The following PDE4D variants were observed in gnomAD, a reference collection of about 807,000 sequenced individuals.
The protein encoded by PDE4D is 3',5'-cyclic-AMP phosphodiesterase 4D.
A neutral mutation model predicts 87.4 loss-of-function variants in PDE4D; 24 were observed. The ratio of observed to expected loss-of-function variants is 0.27; its 90% CI spans 0.20 to 0.39. The LOEUF (loss-of-function observed/expected upper bound fraction) is 0.39. Ranked by LOEUF, PDE4D falls within the 10% of genes least tolerant of loss-of-function variation. PDE4D has a pLI of 1.00. For synonymous variants in PDE4D, 384 were observed against 383.2 expected (o/e 1.00, Z -0.02); for missense variants, 714 against 1,041.0 (o/e 0.69, Z 4.32).
intron 1 of PDE4D, among the ~76,000 whole-genome samples, chr5:59,530,145 G>C (rs1583002725): frequency 6.6e-6 from 1 of 152,166 alleles, no homozygotes. Flanking sequence ...CACCATTGCA[G>C]AATGTTTATT....
chr5:60,374,264 T>G (rs936980456), intron 1 of PDE4D, among the ~76,000 whole-genome samples: 23 of 152,174 alleles, frequency 1.5e-4, no homozygotes, highest in African/African-American at 5.5e-4. Flanking sequence ...TAAATTCCAA[T>G]GGACACTTTT....
chr5:60,078,475 T>C (rs1773566323), intron 2 of PDE4D, among the ~76,000 whole-genome samples: 1 of 152,186 alleles, frequency 6.6e-6, no homozygotes, highest in Admixed American at 6.5e-5. Flanking sequence ...GTTTGTTACA[T>C]AGGTATATGT....
chr5:59,875,490 AGAAG>A (rs1748453351), intron 1 of PDE4D, among the ~76,000 whole-genome samples: 1 of 142,878 alleles, frequency 7.0e-6, no homozygotes, highest in African/African-American at 2.7e-5. Flanking sequence ...AAAAAAAAAA[AGAAG>A]GAATCTGTAT....
intron 1 of PDE4D, among the ~76,000 whole-genome samples, chr5:59,544,160 A>G (rs1816856977): frequency 6.6e-6 from 1 of 152,166 alleles, no homozygotes. Flanking sequence ...ATTCTGCAGC[A>G]AGGAAAACTA....
chr5:59,037,094 C>T lies in PDE4D; in HGVS notation c.921+1765G>A, dbSNP rs117654563. 2.2e-3 allele frequency among the ~76,000 whole-genome samples: 340 copies of T among 152,186 alleles called. 4 individuals carry two copies. The highest frequency in any genetic ancestry group is 0.02 in the East Asian group (103 of 5,190). On this transcript the variant is annotated intron_variant, in intron 6 of 14. Transcript: ENST00000340635. ...ATTATGACCTAAAAAATTTTTAAAT[C>T]TTAACGTATAGATTAATTCCTTGAC...
chr5:59,631,580 G>A (rs746472225), intron 1 of PDE4D, among the ~76,000 whole-genome samples: 1 of 152,076 alleles, frequency 6.6e-6, no homozygotes, highest in Non-Finnish European at 1.5e-5. Flanking sequence ...TAGACAGTGG[G>A]TGCAGCCCAC....
rs373468934 is a variant in PDE4D, at chr5:59,164,745, G to T, written c.808+15850C>A. On this transcript the variant is annotated intron_variant, in intron 5 of 14. Coordinates refer to ENST00000340635, the MANE Select transcript of PDE4D (RefSeq NM_001104631.2). ...CCTTCCTTCTGTTGGATGGCATGAT[G>T]TAGGTTGCTAGGCTGGACTTGTTAA... is the stretch of plus-strand genomic sequence containing the variant. Among the ~76,000 whole-genome samples, 51 of 152,232 alleles carry T rather than the reference G, an allele frequency of 3.4e-4. 1 individual carries two copies. The highest frequency in any genetic ancestry group is 1.2e-3 in the African/African-American group (49 of 41,552).
At chr5:59,831,272 T>C (rs890705066) in intron 1 of PDE4D, among the ~76,000 whole-genome samples, 7 of 127,550 alleles carry the variant, frequency 5.5e-5, no homozygotes, top group Non-Finnish European at 6.2e-5. Flanking sequence ...TACATGCAGA[T>C]AGAATGGTCA....
chr5:60,351,774 C>G (rs1036132566), intron 1 of PDE4D, among the ~76,000 whole-genome samples: 1 of 139,192 alleles, frequency 7.2e-6, no homozygotes, highest in African/African-American at 2.6e-5. Context: ...TTTCTTCCAC[C>G]TAATTATTTT....
chr5:59,020,275 G>A (rs1754864409), intron 6 of PDE4D, among the ~76,000 whole-genome samples: 1 of 152,076 alleles, frequency 6.6e-6, no homozygotes, highest in Non-Finnish European at 1.5e-5. Context: ...AGGAGTTTGA[G>A]ACCAGCCTGG....
At chr5:59,886,345 G>A (rs903523010) in intron 1 of PDE4D, among the ~76,000 whole-genome samples, 5 of 151,836 alleles carry the variant, frequency 3.3e-5, no homozygotes, top group African/African-American at 1.2e-4. Context: ...GTGAAACCCC[G>A]TCTCTACTAA....
At chr5:59,566,245 G>C (rs188527573) in intron 1 of PDE4D, among the ~76,000 whole-genome samples, 44 of 152,246 alleles carry the variant, frequency 2.9e-4, no homozygotes, top group African/African-American at 1.0e-3. Flanking sequence ...TCAGGGTGAA[G>C]TAAGGATCTT....
chr5:59,460,321 T>TA (rs1582709976), intron 1 of PDE4D, among the ~76,000 whole-genome samples: 2 of 152,206 alleles, frequency 1.3e-5, no homozygotes, highest in East Asian at 3.9e-4. Context: ...TTATGCTAAT[T>TA]AAAAAGATTT....
chr5:59,217,874 A>T, intron 1 of PDE4D: 1 of 327,376 alleles, frequency 3.1e-6, no homozygotes, highest in Non-Finnish European at 6.0e-6. Flanking sequence ...CTAATCATTC[A>T]ATAGACATAC....
At chr5:59,777,945 G>A (rs1764243027) in intron 1 of PDE4D, among the ~76,000 whole-genome samples, 2 of 152,108 alleles carry the variant, frequency 1.3e-5, no homozygotes, top group Admixed American at 6.5e-5. Flanking sequence ...TTTTGCAGGT[G>A]TTGTGAATAT....
In PDE4D at chr5:60,275,626, T is replaced by C. The variant is rs113155411; in HGVS notation, c.-89-89939A>G. 3.9e-5 allele frequency among the ~76,000 whole-genome samples: 6 copies of C among 152,184 alleles called. 1 individual carries two copies. Among genetic ancestry groups the C allele is most frequent in the African/African-American group, 1.4e-4 (6 of 41,570 alleles). On this transcript the variant is annotated intron_variant, in intron 1 of 16. Coordinates refer to the PDE4D transcript ENST00000502484. ...TTAACAGAAGCAAGGTTGTATAAATTATTTTTCCCCAGTCAGCCTACAAAA... is the reference window on the plus strand; with the variant it reads ...TTAACAGAAGCAAGGTTGTATAAATCATTTTTCCCCAGTCAGCCTACAAAA...
At chr5:60,329,342 A>C (rs1036287912) in intron 1 of PDE4D, among the ~76,000 whole-genome samples, 1 of 152,096 alleles carries the variant, frequency 6.6e-6, no homozygotes, top group African/African-American at 2.4e-5. Context: ...TTCGCTCAGC[A>C]CTTCTCCTTG....
chr5:59,040,914 T>TGAACTTTGTAAAAGTTAGAG (rs1437949565), intron 5 of PDE4D, among the ~76,000 whole-genome samples: 1 of 152,212 alleles, frequency 6.6e-6, no homozygotes, highest in Non-Finnish European at 1.5e-5. Flanking sequence ...GCTTTTTATG[T>TGAACTTTGTAAAAGTTAGAG]GAACTTTGTA....
At chr5:59,875,628 C>A (rs1748473927) in intron 1 of PDE4D, among the ~76,000 whole-genome samples, 1 of 152,002 alleles carries the variant, frequency 6.6e-6, no homozygotes, top group South Asian at 2.1e-4. Context: ...CCACTGGCAT[C>A]CCTTATTTAG....
Sources: allele counts gnomAD v4.1 joint callset (sites outside exome capture counted in the v4.1 genomes callset), GRCh38; gene constraint gnomAD v4.1.1; transcripts MANE v1.5; gene names NCBI Gene and HGNC (gene_info 2026-07-23, HGNC 2026-07-21).